PVALEF: variants seen among roughly 807,000 people sequenced by gnomAD.
PVALEF encodes parvalbumin-like EF-hand-containing protein.
A neutral mutation model predicts 1.2 loss-of-function variants in PVALEF; 2 were observed. The ratio of observed to expected loss-of-function variants is 1.68; its 90% CI spans 0.69 to 5.28. The LOEUF (loss-of-function observed/expected upper bound fraction) is 5.28. Ranked by LOEUF, PVALEF falls within the 30% of genes most tolerant of loss-of-function variation. PVALEF has a pLI of 0.06. For synonymous variants in PVALEF, 16 were observed against 6.5 expected (o/e 2.47, Z -2.24); for missense variants, 35 against 17.7 (o/e 1.97, Z -1.75).
chr17:81,173,376 G>A (rs11870890), intron 2 of PVALEF, among the ~76,000 whole-genome samples: 1,876 of 152,208 alleles, frequency 0.012, 34 homozygotes, highest in African/African-American at 0.043. Context: ...CCTGGGAGAC[G>A]CTGCCAGGCC....
chr17:81,167,161 C>T (rs763387848), intron 2 of PVALEF, among the ~76,000 whole-genome samples: 1 of 152,206 alleles, frequency 6.6e-6, no homozygotes, highest in East Asian at 1.9e-4. Context: ...GGCATGGTGG[C>T]GCTCACCTGT....
rs559884559 is a variant in PVALEF, at chr17:81,171,166, G to C, written c.-340+4322G>C. 9.2e-4 allele frequency among the ~76,000 whole-genome samples: 140 copies of C among 152,352 alleles called. 2 individuals are homozygous for C. The South Asian group carries it at 0.028, about 30-fold the overall frequency. On this transcript the variant is annotated intron_variant, in intron 2 of 6. Coordinates refer to ENST00000637878, the MANE Select transcript of PVALEF (RefSeq NM_001354639.2). The stretch of plus-strand genomic sequence containing the variant: ...GAAGTGGTCCTTGTGGCCCTTCCAG[G>C]CCGGCGTAGCCCATAGTCGGGGCCA...
Position 81,181,252 on chromosome 17 carries a change from TGAA to T in PVALEF, c.32_34del (p.Lys11del), listed in dbSNP as rs1363091261. On this transcript the variant is annotated inframe_deletion, in exon 4 of 7. Coordinates refer to ENST00000637878, the MANE Select transcript of PVALEF (RefSeq NM_001354639.2). ...ATGGAGGAGGACTTCTCCTCCCAGA[TGAA>T]GAAGATGGCCTTGGCCATGGGCACG... The T allele has an allele frequency of 7.1e-6, 5 of 702,614 alleles. No homozygotes were observed. Among genetic ancestry groups the T allele is most frequent in the Non-Finnish European group, 1.3e-5 (5 of 384,664 alleles). The allele number at this position is 702,614 out of a possible 1,614,324, so 43.5% of individuals were successfully genotyped here.
chr17:81,169,836 TGGTA>T (rs1164198393), intron 2 of PVALEF, among the ~76,000 whole-genome samples: 3 of 143,342 alleles, frequency 2.1e-5, no homozygotes, highest in African/African-American at 7.7e-5. Flanking sequence ...GTGTCTGTCT[TGGTA>T]GGTATATGTG....
chr17:81,165,864 C>T (rs1461536496), intron 1 of PVALEF, 117 bp downstream of exon 1: 10 of 1,534,898 alleles, frequency 6.5e-6, no homozygotes, highest in Non-Finnish European at 8.8e-6. Flanking sequence ...AAACCGGGAG[C>T]CGTGGGGCCC....
intron 2 of PVALEF, among the ~76,000 whole-genome samples, chr17:81,167,859 A>G (rs1330874953): frequency 6.6e-6 from 1 of 152,224 alleles, no homozygotes; most frequent in East Asian, 1.9e-4. Context: ...CCTTGCCCGC[A>G]GGAGGCACTC....
Position 81,165,511 on chromosome 17 carries a change from C to G in PVALEF, c.-744C>G, listed in dbSNP as rs1010119069. Reference sequence around the variant, plus strand: ...GGTGGCTGGGCAGGGCTCTGAGAATCGCTCCCAGCCTGGGAAGAAGCCTCC... The same window carrying G: ...GGTGGCTGGGCAGGGCTCTGAGAATGGCTCCCAGCCTGGGAAGAAGCCTCC... On this transcript the variant is annotated 5_prime_UTR_variant, in exon 1 of 7. In the 5' UTR this introduces an upstream ATG that the reference lacks. Coordinates refer to ENST00000637878, the MANE Select transcript of PVALEF (RefSeq NM_001354639.2). The G allele has an allele frequency of 7.8e-6, 5 of 637,358 alleles. No individual in the cohort carries two copies. The highest frequency in any genetic ancestry group is 6.0e-5 in the Admixed American group (2 of 33,534). 39.5% of individuals were successfully genotyped at this position (637,358 alleles called of 1,614,324 possible). A position where few individuals can be genotyped will look rare whatever the true frequency, so the allele number is the denominator to read the frequency against.
intron 3 of PVALEF, among the ~76,000 whole-genome samples, chr17:81,180,399 A>C (rs923427187): frequency 6.6e-6 from 1 of 151,938 alleles, no homozygotes; most frequent in Admixed American, 6.5e-5. Flanking sequence ...GCTCTGAATG[A>C]AGTGGGGCGG....
At position 81,181,605 on chromosome 17, in the gene PVALEF, C is replaced by A. The variant is rs536118308; in HGVS notation, c.153C>A (p.His51Gln). Residue 51 changes from histidine to glutamine, a missense_variant, in exon 5 of 7, where the codon CAC becomes CAA. His to Gln is a conservative substitution (Grantham distance 24). Transcript: ENST00000637878. ...LKFFKHIRKL[H>Q]ASGQLDDAIH... ...TCTTCAAGCACATCCGCAAGCTCCA[C>A]GCCTCGGGCCAGCTGGACGACGCCA... is the stretch of plus-strand genomic sequence containing the variant. 2 of 424,660 alleles carry A rather than the reference C, an allele frequency of 4.7e-6. No homozygotes were observed. Among genetic ancestry groups the A allele is most frequent in the Non-Finnish European group, 8.2e-6 (2 of 242,998 alleles). The allele number at this position is 424,660 out of a possible 1,614,324, so 26.3% of individuals were successfully genotyped here. A position where few individuals can be genotyped will look rare whatever the true frequency, so the allele number is the denominator to read the frequency against.
intron 6 of PVALEF, among the ~76,000 whole-genome samples, chr17:81,182,547 G>A (rs917093675): frequency 6.6e-4 from 100 of 152,176 alleles, no homozygotes; most frequent in South Asian, 1.4e-3. Flanking sequence ...CTTGTGGCGG[G>A]GGGGTCACAA....
At chr17:81,172,163 C>T (rs1013303516) in intron 2 of PVALEF, among the ~76,000 whole-genome samples, 2 of 152,208 alleles carry the variant, frequency 1.3e-5, no homozygotes, top group Non-Finnish European at 2.9e-5. Context: ...ATTGTGTGGA[C>T]GGACTGCAGT....
rs541413918 is a variant in PVALEF, at chr17:81,165,975, G to A, written c.-508+228G>A. 69 of 1,585,288 alleles carry A rather than the reference G, an allele frequency of 4.4e-5. 1 individual carries two copies. The South Asian group carries it at 6.6e-4, about 15-fold the overall frequency. Reference sequence around the variant, plus strand: ...GCGAGCTGAAGGCGAAGCTGGGGTTGAAGAAGGACGACGACATGGCCGGGC... The same window carrying A: ...GCGAGCTGAAGGCGAAGCTGGGGTTAAAGAAGGACGACGACATGGCCGGGC... On this transcript the variant is annotated intron_variant, in intron 1 of 6. Transcript: ENST00000637878.
intron 2 of PVALEF, among the ~76,000 whole-genome samples, chr17:81,177,096 T>C (rs1254433887): frequency 2.0e-5 from 3 of 151,448 alleles, no homozygotes; most frequent in African/African-American, 7.3e-5. Context: ...CTGGCTAATT[T>C]CCGTATTTTT....
At chr17:81,165,993 G>A (rs749272955) in intron 1 of PVALEF, 3 of 1,572,358 alleles carry the variant, frequency 1.9e-6, no homozygotes, top group Admixed American at 3.7e-5. Context: ...ACGACGACAT[G>A]GCCGGGCCAG....
chr17:81,176,559 C>T (rs1308000020), intron 2 of PVALEF, among the ~76,000 whole-genome samples: 1 of 151,424 alleles, frequency 6.6e-6, no homozygotes, highest in Non-Finnish European at 1.5e-5. Context: ...GATGCCACCT[C>T]ACACCCCTGA....
chr17:81,181,387 C>T, intron 4 of PVALEF, 55 bp downstream of exon 4: 1 of 597,348 alleles, frequency 1.7e-6, no homozygotes, highest in Non-Finnish European at 3.0e-6. Flanking sequence ...CCGCTGTGGT[C>T]AGGAGACCTC....
At chr17:81,177,903 C>G (rs1048052581) in intron 2 of PVALEF, among the ~76,000 whole-genome samples, 7 of 152,206 alleles carry the variant, frequency 4.6e-5, no homozygotes, top group African/African-American at 1.7e-4. Flanking sequence ...CCAGGGAGGG[C>G]TCAGCCCTTT....
At chr17:81,173,849 A>G (rs756761181) in intron 2 of PVALEF, among the ~76,000 whole-genome samples, 26 of 152,192 alleles carry the variant, frequency 1.7e-4, no homozygotes, top group Non-Finnish European at 2.9e-4. Context: ...GACTACAAGG[A>G]AAGAAAAGTA....
intron 2 of PVALEF, among the ~76,000 whole-genome samples, chr17:81,169,369 G>T (rs1277096631): frequency 6.6e-6 from 1 of 152,156 alleles, no homozygotes. Flanking sequence ...GGAGGCCAAG[G>T]GGGGCGGACC....
Sources: allele counts gnomAD v4.1 joint callset (sites outside exome capture counted in the v4.1 genomes callset), GRCh38; gene constraint gnomAD v4.1.1; transcripts MANE v1.5; gene names NCBI Gene and HGNC (gene_info 2026-07-23, HGNC 2026-07-21).